Variants in KMT2A observed in about 807,000 individuals in gnomAD.
The protein encoded by KMT2A is histone-lysine N-methyltransferase 2A.
A neutral mutation model predicts 345.3 loss-of-function variants in KMT2A; 16 were observed. That is an observed-to-expected ratio of 0.05 (90% CI 0.03 to 0.07). The LOEUF (loss-of-function observed/expected upper bound fraction) is 0.07. Ranked by LOEUF, KMT2A falls within the 10% of genes least tolerant of loss-of-function variation. The pLI is 1.00. For missense variants in KMT2A, 3,272 were observed against 4,841.6 expected (o/e 0.68, Z 9.62); for synonymous variants, 1,599 against 1,778.6 (o/e 0.90, Z 2.54).
intron 1 of KMT2A, among the ~76,000 whole-genome samples, chr11:118,445,644 G>C (rs1288434633): frequency 1.3e-5 from 2 of 152,244 alleles, no homozygotes; most frequent in Non-Finnish European, 2.9e-5. Context: ...AACTTGAGCA[G>C]AATGGTCAAA....
chr11:118,506,452 C>G lies in KMT2A; in HGVS notation c.10560C>G (p.Ser3520=). 6.2e-7 allele frequency: 1 copy of G among 1,614,238 alleles called. No homozygotes were observed. The highest frequency in any genetic ancestry group is 8.5e-7 in the Non-Finnish European group (1 of 1,180,048). The change falls in exon 27 of 36, where the codon TCC becomes TCG. Residue 3520 remains serine (S), a synonymous_variant. Transcript: ENST00000534358. ...CCACCTCTCCTGGGGGTTCTCCATC[C>G]TCTCCATCTTCTGGACAGCGGTCAG... ...ASPTSPGGSP[S]SPSSGQRSAS...
chr11:118,520,772 A>G lies in KMT2A; in HGVS notation c.11430-30A>G, dbSNP rs781867236. 1.9e-6 allele frequency: 3 copies of G among 1,547,122 alleles called. No individual in the cohort carries two copies. Among genetic ancestry groups the G allele is most frequent in the Non-Finnish European group, 2.7e-6 (3 of 1,119,256 alleles). On this transcript the variant is annotated intron_variant, in intron 33 of 35. Coordinates refer to ENST00000534358, the MANE Select transcript of KMT2A (RefSeq NM_001197104.2). This position sits in a 1 kb window ranked among gnomAD's most constrained non-coding sequence, Gnocchi z 4.3. ...ACTCAAAACATTATTTCCTGAAAAA[A>G]ATTCGTTAATAGTATGTCTTATCTC...
intron 5 of KMT2A, among the ~76,000 whole-genome samples, chr11:118,479,585 A>G (rs1950096089): frequency 6.6e-6 from 1 of 152,258 alleles, no homozygotes; most frequent in Non-Finnish European, 1.5e-5. Context: ...CAGTCCTGTT[A>G]GTGGAAAGAA....
chr11:118,449,607 A>AG, intron 1 of KMT2A: 7 of 148,148 alleles, frequency 4.7e-5, no homozygotes, highest in Non-Finnish European at 7.4e-5. Flanking sequence ...AAAAAAAGAG[A>AG]AAAAAAATTG....
intron 1 of KMT2A, among the ~76,000 whole-genome samples, chr11:118,464,574 T>G (rs1028430712): frequency 1.3e-5 from 2 of 149,948 alleles, no homozygotes; most frequent in Non-Finnish European, 3.0e-5. Context: ...GTTGAGCAAC[T>G]TTCTACCAAA....
chr11:118,520,021 C>A lies in KMT2A; in HGVS notation c.11386C>A (p.Pro3796Thr), dbSNP rs1362204635. The A allele has an allele frequency of 2.5e-6, 4 of 1,613,962 alleles. No individual in the cohort carries two copies. The highest frequency in any genetic ancestry group is 2.7e-5 in the African/African-American group (2 of 74,900). ...ACATCGTCAGCCTCCTGAATACAAC[C>A]CCAATGATGAAGAAGAGGAGGAGGT... is the stretch of plus-strand genomic sequence containing the variant. ...SKHRQPPEYN[P>T]NDEEEEEVQL... The change falls in exon 33 of 36, where the codon CCC becomes ACC. Residue 3796 changes from proline to threonine, a missense_variant. This residue lies in a region of KMT2A where 78 missense variants were observed against 254.5 expected (regional missense o/e 0.31). Coordinates refer to ENST00000534358, the MANE Select transcript of KMT2A (RefSeq NM_001197104.2). The surrounding 1 kb of genome is among the most constrained non-coding windows in gnomAD (Gnocchi z 4.3).
chr11:118,500,026 A>T, intron 24 of KMT2A, 113 bp downstream of exon 24: 1 of 665,184 alleles, frequency 1.5e-6, no homozygotes, highest in Non-Finnish European at 2.7e-6. Context: ...ACTGCTACTA[A>T]AAATTAATCA....
chr11:118,441,031 A>G (rs1949301909), intron 1 of KMT2A, among the ~76,000 whole-genome samples: 1 of 152,148 alleles, frequency 6.6e-6, no homozygotes, highest in African/African-American at 2.4e-5. Flanking sequence ...TGTAAAATGA[A>G]AAGTTTGGAC....
intron 1 of KMT2A, chr11:118,450,207 G>A (rs1949506530): frequency 6.6e-6 from 1 of 150,510 alleles, no homozygotes; most frequent in Non-Finnish European, 1.5e-5. Flanking sequence ...CCTTTCTTGA[G>A]TTTTTGGTTT....
chr11:118,505,884 C>T lies in KMT2A; in HGVS notation c.9992C>T (p.Ser3331Leu), dbSNP rs782698989. The change falls in exon 27 of 36, where the codon TCA becomes TTA. Residue 3331 changes from serine to leucine, a missense_variant. Transcript: ENST00000534358. This position sits in a 1 kb window ranked among gnomAD's most constrained non-coding sequence, Gnocchi z 4.6. ...AGCCAGGATACTAGCCACCTCACAT[C>T]AGGGTCTGTGTCTGGCTTGGCATCC... ...TISQDTSHLTSGSVSGLASSS... is the reference protein window; with the variant it reads ...TISQDTSHLTLGSVSGLASSS... The T allele has an allele frequency of 5.0e-6, 8 of 1,614,102 alleles. No homozygotes were observed. The South Asian group carries it at 8.8e-5, about 18-fold the overall frequency.
chr11:118,481,919 G>C lies in KMT2A; in HGVS notation c.3839G>C (p.Gly1280Ala), dbSNP rs1555039384. The change falls in exon 7 of 36, where the codon GGG (glycine) becomes GCG (alanine). Residue 1280 changes from glycine (G) to alanine (A), a missense_variant. Transcript: ENST00000534358. ...KSEEGNVSAP[G>A]PESKQATTPA... ...GAAGAAGGGAATGTCTCGGCCCCTG[G>C]GCCTGAATCCAAACAGGCCACCACT... 6 of 1,614,006 alleles carry C rather than the reference G, an allele frequency of 3.7e-6. No homozygotes were observed. The highest frequency in any genetic ancestry group is 5.1e-6 in the Non-Finnish European group (6 of 1,180,032).
intron 3 of KMT2A, among the ~76,000 whole-genome samples, chr11:118,475,753 T>C (rs1555037387): frequency 6.6e-6 from 1 of 152,158 alleles, no homozygotes; most frequent in African/African-American, 2.4e-5. Context: ...ATTAATGTTA[T>C]TCAACCTAGG....
rs932352000 is a variant in KMT2A at position 118,510,613 on chromosome 11, C to T, written c.11071+495C>T. Among the ~76,000 whole-genome samples, 8 of 152,182 alleles carry T rather than the reference C, an allele frequency of 5.3e-5. No homozygotes were observed. Among genetic ancestry groups the T allele is most frequent in the Non-Finnish European group, 7.3e-5 (5 of 68,038 alleles). ...AATCTTACATGTTCTTCTCTCATAG[C>T]TTACATTTTGTTTTGTCCGTGTTTG... On this transcript the variant is annotated intron_variant, in intron 30 of 35. Coordinates refer to ENST00000534358, the MANE Select transcript of KMT2A (RefSeq NM_001197104.2). The surrounding 1 kb of genome is among the most constrained non-coding windows in gnomAD (Gnocchi z 4.1).
At position 118,471,843 on chromosome 11, in the gene KMT2A, C is replaced by T; in HGVS notation, c.684C>T (p.Phe228=). The T allele has an allele frequency of 6.2e-7, 1 of 1,612,162 alleles. No individual in the cohort carries two copies. The highest frequency in any genetic ancestry group is 8.5e-7 in the Non-Finnish European group (1 of 1,179,514). ...AGAAGAGAGGAAGACCTCCCACCTT[C>T]CCTGGAGTAAAAATCAAAATAACAC... ...IEKKRGRPPT[F]PGVKIKITHG... The change falls in exon 3 of 36, where the codon TTC becomes TTT. Residue 228 remains phenylalanine (F), a synonymous_variant. Transcript: ENST00000534358.
chr11:118,480,547 A>G (rs1321642563), intron 6 of KMT2A, among the ~76,000 whole-genome samples: 1 of 152,148 alleles, frequency 6.6e-6, no homozygotes, highest in Non-Finnish European at 1.5e-5. Context: ...TTAGCCTTTC[A>G]ATGCTAACTT....
Position 118,489,777 on chromosome 11 carries a change from T to TA in KMT2A, c.4480-14dup, listed in dbSNP as rs781807704. On this transcript the variant is annotated splice_polypyrimidine_tract_variant and intron_variant, in intron 11 of 35. Transcript: ENST00000534358. ...AATATGATGCTTATCTTTTTGCCAT[T>TA]ATATTTTCTTACAGCAGCTGCTGGA... 4.3e-6 allele frequency: 7 copies of TA among 1,611,448 alleles called. No individual in the cohort carries two copies. The African/African-American group carries it at 8.0e-5, about 18-fold the overall frequency.
At chr11:118,488,805 T>A (rs1362093533) in intron 11 of KMT2A, 45 bp downstream of exon 11, 1 of 1,595,748 alleles carries the variant, frequency 6.3e-7, no homozygotes, top group Non-Finnish European at 8.6e-7. Context: ...TCTGTATCAG[T>A]GGGTTCTGTA....
At chr11:118,509,807 TTTG>T (rs1950651666) in intron 29 of KMT2A, 138 bp from the exon 30 acceptor site, 1 of 607,232 alleles carries the variant, frequency 1.6e-6, no homozygotes, top group African/African-American at 1.9e-5. Context: ...GAGTCTTGGG[TTTG>T]TTATCTATAA....
Position 118,506,199 on chromosome 11 carries a change from A to G in KMT2A, c.10307A>G (p.Gln3436Arg), listed in dbSNP as rs782296695. Reference sequence around the variant, plus strand: ...AGCATCTGTGTGCTCCCCTCCACTCAGACTACGGGCATAACAGCCGCTTCA... The same window carrying G: ...AGCATCTGTGTGCTCCCCTCCACTCGGACTACGGGCATAACAGCCGCTTCA... ...ASSICVLPSTQTTGITAASPS... is the reference protein window; with the variant it reads ...ASSICVLPSTRTTGITAASPS... Residue 3436 changes from glutamine to arginine, a missense_variant, in exon 27 of 36, where the codon CAG (glutamine) becomes CGG (arginine). Physicochemically the swap from Gln to Arg is conservative, Grantham distance 43. Coordinates refer to ENST00000534358, the MANE Select transcript of KMT2A (RefSeq NM_001197104.2). 3 of 1,614,124 alleles carry G rather than the reference A, an allele frequency of 1.9e-6. No homozygotes were observed. In the South Asian group the frequency reaches 3.3e-5, roughly 18 times the overall value.
Sources: allele counts gnomAD v4.1 joint callset (sites outside exome capture counted in the v4.1 genomes callset), GRCh38; gene constraint gnomAD v4.1.1; regional missense constraint gnomAD v4.1.1; non-coding constraint Gnocchi (gnomAD v3.1); transcripts MANE v1.5; gene names NCBI Gene and HGNC (gene_info 2026-07-23, HGNC 2026-07-21).